DEDD2: variants seen among roughly 807,000 people sequenced by gnomAD.
The protein encoded by DEDD2 is DNA-binding death effector domain-containing protein 2.
Under a neutral mutation model 28.9 loss-of-function variants are expected in DEDD2, and 18 were observed. That is an observed-to-expected ratio of 0.62 (90% CI 0.43 to 0.92). The LOEUF is 0.92. Ranked by LOEUF, DEDD2 falls within the 40% of genes least tolerant of loss-of-function variation. The probability of loss-of-function intolerance (pLI) is 0.00; values close to 1 mark genes in which losing one functional copy is unlikely to be tolerated. For missense variants in DEDD2, 411 were observed against 463.3 expected, an observed-to-expected ratio of 0.89 and a Z score of 1.04; for synonymous variants, 211 against 206.1, an observed-to-expected ratio of 1.02 and a Z score of -0.20.
Position 42,209,785 on chromosome 19 carries a change from G to A in DEDD2, c.504C>T (p.Ala168=). 6.3e-7 allele frequency: 1 copy of A among 1,593,842 alleles called. No individual in the cohort carries two copies. Among genetic ancestry groups the A allele is most frequent in the Non-Finnish European group, 8.5e-7 (1 of 1,171,204 alleles). The change falls in exon 4 of 5, where the codon GCC becomes GCT. Residue 168 remains alanine (A), a synonymous_variant. Coordinates refer to ENST00000596251, the MANE Select transcript of DEDD2 (RefSeq NM_133328.4). ...CTGGGGCCCCTCTCCGCCGCCGTCT[G>A]GCACCACCACTGGGCCGGCCCCGAC... ...RRSRGRPSGG[A]RRRRRGAPAA...
chr19:42,199,431 T>A lies in DEDD2; in HGVS notation c.*7A>T, dbSNP rs776396344. ...TTGGAGGTGGGATCAATCCTGCCAG[T>A]CCTGGATCAGGAGGCCTCTGTCGGG... On this transcript the variant is annotated 3_prime_UTR_variant, in exon 5 of 5. Transcript: ENST00000596251. The surrounding 1 kb of genome is among the most constrained non-coding windows in gnomAD (Gnocchi z 7.4). 21 of 1,592,358 alleles carry A rather than the reference T, an allele frequency of 1.3e-5. No individual in the cohort carries two copies. In the African/African-American group the frequency reaches 2.3e-4, roughly 17 times the overall value.
intron 4 of DEDD2, among the ~76,000 whole-genome samples, chr19:42,203,414 G>C (rs935750823): frequency 6.6e-5 from 10 of 152,208 alleles, no homozygotes; most frequent in African/African-American, 2.4e-4. Context: ...GGAGAGATGA[G>C]CATTTATGGA....
At chr19:42,212,747 G>A (rs1396627522) in intron 3 of DEDD2, among the ~76,000 whole-genome samples, 3 of 152,012 alleles carry the variant, frequency 2.0e-5, no homozygotes, top group Non-Finnish European at 4.4e-5. Flanking sequence ...CTACAGGTGT[G>A]AGCCACTGCA....
chr19:42,213,189 G>GT (rs1397329875), intron 3 of DEDD2, among the ~76,000 whole-genome samples: 4 of 152,174 alleles, frequency 2.6e-5, no homozygotes, highest in African/African-American at 9.7e-5. Context: ...CTGACTGACT[G>GT]TAACAAGTCA....
At chr19:42,218,139 G>C (rs1323622708), upstream of DEDD2, among the ~76,000 whole-genome samples, 1 of 152,014 alleles carries the variant, frequency 6.6e-6, no homozygotes, top group Non-Finnish European at 1.5e-5. Flanking sequence ...CTGGTCCTGG[G>C]CACTCCTCCA....
In DEDD2 at chr19:42,215,768, G is replaced by C. The variant is rs114360512; in HGVS notation, c.329-516C>G. ...TGCCCCTTTAGTAACCCAGACAAAG[G>C]CTTGGTCTATTCATGCACACGGCTA... On this transcript the variant is annotated intron_variant, in intron 2 of 4. Transcript: ENST00000596251. Among the ~76,000 whole-genome samples the C allele has an allele frequency of 5.2e-3, 798 of 152,140 alleles. 10 individuals carry two copies. The highest frequency in any genetic ancestry group is 0.018 in the African/African-American group (767 of 41,490).
chr19:42,212,578 C>A (rs528002040), intron 3 of DEDD2, among the ~76,000 whole-genome samples: 2 of 151,828 alleles, frequency 1.3e-5, no homozygotes, highest in African/African-American at 4.8e-5. Context: ...AATCCTCCTA[C>A]CTCAGCCTCC....
At chr19:42,201,945 T>A in intron 4 of DEDD2, 1 of 398,184 alleles carries the variant, frequency 2.5e-6, no homozygotes, top group East Asian at 3.6e-5. Flanking sequence ...CACCCAGGAG[T>A]GGTTGGCCAC....
chr19:42,212,669 T>C (rs1242201252), intron 3 of DEDD2, among the ~76,000 whole-genome samples: 1 of 152,146 alleles, frequency 6.6e-6, no homozygotes, highest in South Asian at 2.1e-4. Flanking sequence ...TTTGCCATGT[T>C]GCCCAGGCTG....
upstream of DEDD2, among the ~76,000 whole-genome samples, chr19:42,218,889 C>A: frequency 6.6e-6 from 1 of 151,802 alleles, no homozygotes; most frequent in South Asian, 2.1e-4. Context: ...TGTGGTGGCA[C>A]GCGCCTGAAA....
In DEDD2 at chr19:42,216,799, A is replaced by T; in HGVS notation, c.209T>A (p.Leu70Gln). Residue 70 changes from leucine (L) to glutamine (Q), a missense_variant, in exon 2 of 5, where the codon CTG (leucine) becomes CAG (glutamine). Leu to Gln is a moderately radical substitution (Grantham distance 113). Coordinates refer to ENST00000596251, the MANE Select transcript of DEDD2 (RefSeq NM_133328.4). ...ARARSGLELLLELERRGQCDE... is the reference protein window; with the variant it reads ...ARARSGLELLQELERRGQCDE... ...GCACTGCCCGCGGCGCTCCAGCTCC[A>T]GCAGGAGCTCTAGGCCGCTGCGGGC... The T allele has an allele frequency of 6.3e-7, 1 of 1,585,922 alleles. No individual in the cohort carries two copies. Among genetic ancestry groups the T allele is most frequent in the Non-Finnish European group, 8.6e-7 (1 of 1,166,408 alleles).
At chr19:42,215,394 A>AG in intron 2 of DEDD2, 142 bp from the exon 3 acceptor site, 1 of 1,058,866 alleles carries the variant, frequency 9.4e-7, no homozygotes, top group Non-Finnish European at 1.4e-6. Context: ...CACCTCCTGC[A>AG]GAGGTTGCTC....
chr19:42,217,899 G>A (rs1208772752), upstream of DEDD2: 1 of 152,274 alleles, frequency 6.6e-6, no homozygotes, highest in Non-Finnish European at 1.5e-5. Context: ...GCCGCCTCTT[G>A]GGCTGTATCT....
At chr19:42,210,667 T>C (rs191426529) in intron 3 of DEDD2, among the ~76,000 whole-genome samples, 8 of 152,208 alleles carry the variant, frequency 5.3e-5, no homozygotes, top group African/African-American at 1.7e-4. Context: ...GTGCTGGGAT[T>C]ATGGGCATTG....
rs1441727833 is a variant in DEDD2, at chr19:42,199,847, AT to A, written c.590-19del. The A allele has an allele frequency of 6.4e-7, 1 of 1,570,324 alleles. No individual in the cohort carries two copies. The highest frequency in any genetic ancestry group is 2.4e-5 in the East Asian group (1 of 42,520). ...CCGGATGTCTGCAGGGGAAGGAGGG[AT>A]TTGTCAGGGAGGGGGCCAACACTAG... On this transcript the variant is annotated intron_variant, in intron 4 of 4. Transcript: ENST00000596251. The surrounding 1 kb of genome is among the most constrained non-coding windows in gnomAD (Gnocchi z 7.4).
At chr19:42,217,413 T>C (rs1216672319) in intron 1 of DEDD2, among the ~76,000 whole-genome samples, 1 of 152,114 alleles carries the variant, frequency 6.6e-6, no homozygotes, top group African/African-American at 2.4e-5. Flanking sequence ...AGCGGTACCG[T>C]CTGATGAGTC....
chr19:42,216,549 G>A (rs1040760949), intron 2 of DEDD2, 131 bp downstream of exon 2: 3 of 934,012 alleles, frequency 3.2e-6, no homozygotes, highest in East Asian at 2.9e-5. Context: ...TGATATTGTG[G>A]GAAGAGAGAG....
Position 42,211,300 on chromosome 19 carries a change from G to A in DEDD2, c.449-1460C>T, listed in dbSNP as rs186863174. 2.8e-3 allele frequency among the ~76,000 whole-genome samples: 426 copies of A among 152,052 alleles called. 1 individual carries two copies. Among genetic ancestry groups the A allele is most frequent in the Non-Finnish European group, 4.7e-3 (320 of 67,972 alleles). On this transcript the variant is annotated intron_variant, in intron 3 of 4. Coordinates refer to ENST00000596251, the MANE Select transcript of DEDD2 (RefSeq NM_133328.4). ...CTTGGGAGGCTGAGGTGGGAGGGCT[G>A]CTTGAGCCCAGGAGATCTAGGCTGC...
chr19:42,206,876 T>C (rs770098801), intron 4 of DEDD2, among the ~76,000 whole-genome samples: 8 of 152,186 alleles, frequency 5.3e-5, no homozygotes, highest in Admixed American at 1.3e-4. Context: ...CATTCCATTT[T>C]TCAGAGGGAA....
Sources: gnomAD v4.1 joint callset for allele counts (sites outside exome capture counted in the v4.1 genomes callset) on GRCh38, gnomAD v4.1.1 for gene constraint, Gnocchi (gnomAD v3.1) non-coding constraint, MANE v1.5 for transcripts, NCBI Gene and HGNC (gene_info 2026-07-23, HGNC 2026-07-21) for gene names.